Variants in SHANK2 observed in about 807,000 individuals in gnomAD.
SHANK2 encodes the protein SH3 and multiple ankyrin repeat domains 2, also known as SH3 and multiple ankyrin repeat domains protein 2.
A neutral mutation model predicts 133.7 loss-of-function variants in SHANK2; 43 were observed. The ratio of observed to expected loss-of-function variants is 0.32; its 90% CI spans 0.25 to 0.41. The LOEUF (loss-of-function observed/expected upper bound fraction) is 0.41, where lower values mean the gene tolerates loss of function less well. SHANK2 is among the 10% of genes least tolerant of loss of function. The probability of loss-of-function intolerance (pLI) is 1.00; values close to 1 mark genes in which losing one functional copy is unlikely to be tolerated. For synonymous variants in SHANK2, 1,017 were observed against 952.8 expected, an observed-to-expected ratio of 1.07 and a Z score of -1.24; for missense variants, 1,994 against 2,235.8, an observed-to-expected ratio of 0.89 and a Z score of 2.18.
chr11:70,789,091 A>G lies in SHANK2; in HGVS notation c.1777+9352T>C, dbSNP rs551057486. 7.2e-5 allele frequency among the ~76,000 whole-genome samples: 11 copies of G among 152,250 alleles called. No individual in the cohort carries two copies. The East Asian group carries it at 2.1e-3, about 29-fold the overall frequency. ...AAATTAGAGAGTGGCTGGAAAGGAGAGTCCACGGCAGGGATTCTGAATGGG... is the reference window on the plus strand; with the variant it reads ...AAATTAGAGAGTGGCTGGAAAGGAGGGTCCACGGCAGGGATTCTGAATGGG... On this transcript the variant is annotated intron_variant, in intron 14 of 25. Transcript: ENST00000601538.
At chr11:71,135,193 G>A (rs11827505) in intron 3 of SHANK2, among the ~76,000 whole-genome samples, 4,477 of 152,140 alleles carry the variant, frequency 0.029, 203 homozygotes, top group African/African-American at 0.098. Context: ...AGCCATTGGC[G>A]CCTCACCCCA....
intron 2 of SHANK2, among the ~76,000 whole-genome samples, chr11:71,172,979 G>A (rs1235054908): frequency 6.6e-6 from 1 of 152,244 alleles, no homozygotes; most frequent in Non-Finnish European, 1.5e-5. Context: ...GGCCTCCGGG[G>A]CCATTGGGCT....
intron 17 of SHANK2, among the ~76,000 whole-genome samples, chr11:70,506,434 G>A (rs1320639019): frequency 6.6e-6 from 1 of 152,186 alleles, no homozygotes; most frequent in East Asian, 1.9e-4. Flanking sequence ...GCTCAGGAGA[G>A]CTCAGAGGAA....
intron 11 of SHANK2, among the ~76,000 whole-genome samples, chr11:70,846,775 T>G (rs1397436231): frequency 3.9e-5 from 6 of 152,096 alleles, no homozygotes; most frequent in African/African-American, 1.4e-4. Flanking sequence ...TATGTTCCAA[T>G]GTAAAGCACC....
At chr11:70,889,150 T>A (rs1590800852) in intron 11 of SHANK2, among the ~76,000 whole-genome samples, 1 of 152,066 alleles carries the variant, frequency 6.6e-6, no homozygotes, top group Non-Finnish European at 1.5e-5. Context: ...GATCTCAAGA[T>A]GAGATCATCC....
chr11:71,181,658 A>G (rs1285853883), intron 2 of SHANK2, among the ~76,000 whole-genome samples: 2 of 152,236 alleles, frequency 1.3e-5, no homozygotes, highest in African/African-American at 4.8e-5. Context: ...GCGCCCGCTC[A>G]TGGTGAAGCA....
chr11:71,081,238 C>G (rs1375775211), intron 8 of SHANK2, among the ~76,000 whole-genome samples: 2 of 152,148 alleles, frequency 1.3e-5, no homozygotes, highest in Non-Finnish European at 2.9e-5. Flanking sequence ...GCGACGCCTT[C>G]GTTTGGGACT....
Position 70,826,622 on chromosome 11 carries a change from G to C in SHANK2, c.1175-5940C>G. ...CAGCTGGGACCCGGGGAGAGGTGGC[G>C]GGTGTCTGGGCACGGTGCACTTCCG... is the stretch of plus-strand genomic sequence containing the variant. On this transcript the variant is annotated intron_variant, in intron 11 of 25. Transcript: ENST00000601538. The C allele has an allele frequency of 6.6e-6, 3 of 453,860 alleles. No homozygotes were observed. In the Admixed American group the frequency reaches 7.1e-5, roughly 11 times the overall value. The allele number at this position is 453,860 out of a possible 1,614,324, so 28.1% of individuals were successfully genotyped here. A position where few individuals can be genotyped will look rare whatever the true frequency, so the allele number is the denominator to read the frequency against.
intron 2 of SHANK2, among the ~76,000 whole-genome samples, chr11:71,173,619 C>G (rs909367435): frequency 3.4e-4 from 52 of 152,256 alleles, no homozygotes; most frequent in African/African-American, 1.3e-3. Context: ...CCAAAACATG[C>G]TGAAACCTAC....
chr11:70,855,195 C>T (rs1459604935), intron 11 of SHANK2, among the ~76,000 whole-genome samples: 1 of 152,240 alleles, frequency 6.6e-6, no homozygotes, highest in Non-Finnish European at 1.5e-5. Context: ...CTTCCCTGCA[C>T]GTTCTCCTCC....
intron 15 of SHANK2, 29 bp downstream of exon 15, chr11:70,698,659 G>A (rs1555022873): frequency 1.4e-6 from 1 of 718,582 alleles, no homozygotes; most frequent in Admixed American, 2.0e-5. Context: ...TGACCAGAGG[G>A]TCCTGGAAGA....
intron 8 of SHANK2, among the ~76,000 whole-genome samples, chr11:71,077,760 G>A (rs1220766073): frequency 6.6e-6 from 1 of 152,110 alleles, no homozygotes; most frequent in Non-Finnish European, 1.5e-5. Context: ...TCCACAGACG[G>A]CTGCACGCAG....
chr11:70,616,407 AC>A (rs2060742508), intron 17 of SHANK2, among the ~76,000 whole-genome samples: 1 of 152,110 alleles, frequency 6.6e-6, no homozygotes. Flanking sequence ...GTTGGGGCCT[AC>A]AATGAGATCA....
At chr11:70,805,533 G>T (rs1318575725) in intron 13 of SHANK2, among the ~76,000 whole-genome samples, 1 of 152,222 alleles carries the variant, frequency 6.6e-6, no homozygotes, top group Non-Finnish European at 1.5e-5. Flanking sequence ...GACATCTCAG[G>T]GCTGGCCTCA....
chr11:70,934,566 A>G (rs868979740), intron 10 of SHANK2, among the ~76,000 whole-genome samples: 44 of 152,276 alleles, frequency 2.9e-4, no homozygotes, highest in Admixed American at 2.0e-3. Context: ...AGACTAAGTC[A>G]CCCCCAGATA....
In SHANK2 at chr11:71,062,868, G is replaced by A. The variant is rs1418471271; in HGVS notation, c.1030-6310C>T. Reference sequence around the variant, plus strand: ...AAAAATTAGCCAGGAGCGGTGGTGCGTGCCTGTAGTCCTAGCTACTTGGGA... The same window carrying A: ...AAAAATTAGCCAGGAGCGGTGGTGCATGCCTGTAGTCCTAGCTACTTGGGA... On this transcript the variant is annotated intron_variant, in intron 9 of 25. Coordinates refer to ENST00000601538, the MANE Select transcript of SHANK2 (RefSeq NM_012309.5). 7.9e-5 allele frequency among the ~76,000 whole-genome samples: 12 copies of A among 151,710 alleles called. No homozygotes were observed. In the South Asian group the frequency reaches 8.4e-4, roughly 11 times the overall value.
intron 2 of SHANK2, among the ~76,000 whole-genome samples, chr11:71,184,318 A>G (rs1555114169): frequency 6.6e-6 from 1 of 152,104 alleles, no homozygotes; most frequent in Non-Finnish European, 1.5e-5. Flanking sequence ...TCAAACAACC[A>G]TGGTCTATTC....
intron 2 of SHANK2, among the ~76,000 whole-genome samples, chr11:71,214,008 G>A (rs1435269738): frequency 2.0e-5 from 3 of 151,848 alleles, no homozygotes; most frequent in Non-Finnish European, 4.4e-5. Flanking sequence ...CTGCCCTAAC[G>A]CGCCCCAGGA....
At position 70,882,824 on chromosome 11, in the gene SHANK2, C is replaced by G. The variant is rs544822041; in HGVS notation, c.1174+13677G>C. Among the ~76,000 whole-genome samples, 2 of 152,320 alleles carry G rather than the reference C, an allele frequency of 1.3e-5. No homozygotes were observed. Among genetic ancestry groups the G allele is most frequent in the South Asian group, 4.1e-4 (2 of 4,824 alleles). On this transcript the variant is annotated intron_variant, in intron 11 of 25. Coordinates refer to ENST00000601538, the MANE Select transcript of SHANK2 (RefSeq NM_012309.5). The surrounding 1 kb of genome is among the most constrained non-coding windows in gnomAD (Gnocchi z 4.2). ...AGGAAGCCAAGCGGCTGGCCTGGTCCTCCAGGAGGGCAGAACTGTGTGGAT... is the reference window on the plus strand; with the variant it reads ...AGGAAGCCAAGCGGCTGGCCTGGTCGTCCAGGAGGGCAGAACTGTGTGGAT...
Sources: allele counts gnomAD v4.1 joint callset (sites outside exome capture counted in the v4.1 genomes callset), GRCh38; gene constraint gnomAD v4.1.1; non-coding constraint Gnocchi (gnomAD v3.1); transcripts MANE v1.5; gene names NCBI Gene and HGNC (gene_info 2026-07-23, HGNC 2026-07-21).